Variants in MYH10 observed in about 807,000 individuals in gnomAD.
MYH10 encodes myosin-10.
A neutral mutation model predicts 257.8 loss-of-function variants in MYH10; 55 were observed. The observed-to-expected ratio is 0.21, with a 90% CI of 0.17 to 0.27. The LOEUF (loss-of-function observed/expected upper bound fraction) is 0.27, where lower values mean the gene tolerates loss of function less well. MYH10 is among the 10% of genes least tolerant of loss of function. The pLI, the probability that MYH10 is intolerant of heterozygous loss-of-function variation, is 1.00. For missense variants in MYH10, 1,631 were observed against 2,500.6 expected, an observed-to-expected ratio of 0.65 and a Z score of 7.42; for synonymous variants, 854 against 921.7, an observed-to-expected ratio of 0.93 and a Z score of 1.33.
intron 2 of MYH10, among the ~76,000 whole-genome samples, chr17:8,613,850 CTGAAAGTAAGTTA>C (rs758859035): frequency 2.0e-5 from 3 of 151,818 alleles, no homozygotes; most frequent in Non-Finnish European, 2.9e-5. Context: ...CACAGAAAAG[CTGAAAGTAAGTTA>C]AGAAAGCAAT....
intron 14 of MYH10, among the ~76,000 whole-genome samples, chr17:8,540,988 G>A (rs1281674858): frequency 2.6e-5 from 4 of 152,202 alleles, no homozygotes; most frequent in African/African-American, 9.6e-5. Flanking sequence ...CTCTAAACGT[G>A]ACTTGAAAGG....
chr17:8,601,722 T>TTTCA (rs960601540), intron 3 of MYH10, among the ~76,000 whole-genome samples: 6 of 152,226 alleles, frequency 3.9e-5, no homozygotes, highest in Non-Finnish European at 8.8e-5. Context: ...AGAACTCTGC[T>TTTCA]TTCATTCATT....
chr17:8,514,302 T>C (rs1226406305), intron 21 of MYH10, among the ~76,000 whole-genome samples: 1 of 152,220 alleles, frequency 6.6e-6, no homozygotes, highest in Non-Finnish European at 1.5e-5. Flanking sequence ...GTTTTCCTTT[T>C]GATATGTCAC....
chr17:8,566,150 CCAA>C (rs1262148603), intron 7 of MYH10, among the ~76,000 whole-genome samples: 1 of 152,098 alleles, frequency 6.6e-6, no homozygotes, highest in Non-Finnish European at 1.5e-5. Context: ...CCAGACACCG[CCAA>C]CGTCCCTTGG....
At chr17:8,622,283 CTCTACATTATCCCTT>C (rs1178484635) in intron 2 of MYH10, among the ~76,000 whole-genome samples, 1 of 152,088 alleles carries the variant, frequency 6.6e-6, no homozygotes, top group Non-Finnish European at 1.5e-5. Context: ...CATTATCCCT[CTCTACATTATCCCTT>C]ATGATTTTCA....
intron 3 of MYH10, among the ~76,000 whole-genome samples, chr17:8,600,371 C>T (rs2084545032): frequency 6.6e-6 from 1 of 152,078 alleles, no homozygotes; most frequent in Admixed American, 6.5e-5. Context: ...TCAAAGAACA[C>T]ATTTAGGAGA....
Position 8,475,817 on chromosome 17 carries a change from G to T in MYH10, c.6011C>A (p.Pro2004His). The T allele has an allele frequency of 7.4e-6, 12 of 1,614,106 alleles. No individual in the cohort carries two copies. The highest frequency in any genetic ancestry group is 9.3e-6 in the Non-Finnish European group (11 of 1,179,986). Residue 2004 changes from proline to histidine, a missense_variant, in exon 43 of 43, where the codon CCC (proline) becomes CAC (histidine). Coordinates refer to ENST00000360416, the MANE Select transcript of MYH10 (RefSeq NM_001256012.3). ...CTTCCTGCAACTTTACTCTGACTGGGGTGGCTGCGTCTCGTTGACATCACT... is the reference window on the plus strand; with the variant it reads ...CTTCCTGCAACTTTACTCTGACTGGTGTGGCTGCGTCTCGTTGACATCACT... Reference protein sequence around the residue: ...KTSDVNETQPPQSE With the variant: ...KTSDVNETQPHQSE
At position 8,553,956 on chromosome 17, in the gene MYH10, T is replaced by A. The variant is rs1237960294; in HGVS notation, c.819A>T (p.Thr273=). The change falls in exon 8 of 43, where the codon ACA becomes ACT. Residue 273 remains threonine, a splice_region_variant and synonymous_variant. Transcript: ENST00000360416. ...TTATACATTTATGAAAAAGGATACATGTTTCAATGTTGGCCCCAACGATAT... is the reference window on the plus strand; with the variant it reads ...TTATACATTTATGAAAAAGGATACAAGTTTCAATGTTGGCCCCAACGATAT... The part of the protein sequence containing the change: ...TGYIVGANIE[T]YLLEKSRAVR... 3 of 1,611,398 alleles carry A rather than the reference T, an allele frequency of 1.9e-6. No individual in the cohort carries two copies. The South Asian group carries it at 3.3e-5, about 18-fold the overall frequency.
In MYH10 at chr17:8,476,912, A is replaced by G. The variant is rs778253501; in HGVS notation, c.5843T>C (p.Leu1948Pro). The G allele has an allele frequency of 1.9e-6, 3 of 1,612,574 alleles. No homozygotes were observed. Among genetic ancestry groups the G allele is most frequent in the Non-Finnish European group, 2.5e-6 (3 of 1,179,982 alleles). The change falls in exon 42 of 43, where the codon CTG becomes CCG. Residue 1948 changes from leucine to proline, a missense_variant. Around this residue, in one of 11 missense-constraint regions of MYH10, gnomAD observed 343 missense variants for 389.5 expected, o/e 0.88. Transcript: ENST00000360416. ...CTTCAGGGTGCTGACCTCGCGGCTC[A>G]GGCCCTCGTTGGCCTCGGTGGCATC... ...LDDATEANEG[L>P]SREVSTLKNR... is the part of the protein sequence containing the mutation.
At chr17:8,546,514 A>G (rs776584017) in intron 12 of MYH10, 30 bp downstream of exon 12, 2 of 1,560,060 alleles carry the variant, frequency 1.3e-6, no homozygotes, top group South Asian at 2.2e-5. Context: ...ATTCAAACAA[A>G]TCAGTAATAA....
At chr17:8,578,243 C>CTTTCTTTCT in intron 4 of MYH10, among the ~76,000 whole-genome samples, 1 of 129,208 alleles carries the variant, frequency 7.7e-6, no homozygotes, top group South Asian at 2.4e-4. Context: ...TTCTTTCTTT[C>CTTTCTTTCT]TTTTTTTTTT....
intron 1 of MYH10, 41 bp from the exon 2 acceptor site, chr17:8,623,318 A>C: frequency 6.7e-7 from 1 of 1,490,948 alleles, no homozygotes; most frequent in South Asian, 1.4e-5. Flanking sequence ...TGTTTAAGAA[A>C]CAAAAGAATG....
At chr17:8,613,483 C>G (rs1227395839) in intron 2 of MYH10, among the ~76,000 whole-genome samples, 1 of 152,108 alleles carries the variant, frequency 6.6e-6, no homozygotes, top group African/African-American at 2.4e-5. Context: ...CAGGCCCTAC[C>G]TATCATGATC....
chr17:8,531,561 T>TC (rs1444137552), intron 16 of MYH10, among the ~76,000 whole-genome samples: 6 of 151,674 alleles, frequency 4.0e-5, no homozygotes, highest in African/African-American at 7.2e-5. Context: ...TTTTTCTTTT[T>TC]TTTTTTTTCA....
chr17:8,587,996 C>T (rs2083973362), intron 4 of MYH10, among the ~76,000 whole-genome samples: 1 of 152,092 alleles, frequency 6.6e-6, no homozygotes, highest in Non-Finnish European at 1.5e-5. Context: ...ATCTCATCCA[C>T]TCAATCTGAA....
At chr17:8,576,432 T>C (rs541962781) in intron 6 of MYH10, among the ~76,000 whole-genome samples, 1 of 152,186 alleles carries the variant, frequency 6.6e-6, no homozygotes, top group Non-Finnish European at 1.5e-5. Context: ...CAAATAAATA[T>C]TAAAATTTAT....
intron 3 of MYH10, among the ~76,000 whole-genome samples, chr17:8,598,708 A>G (rs1597936416): frequency 1.7e-5 from 2 of 114,290 alleles, no homozygotes; most frequent in Admixed American, 1.9e-4. Context: ...AGCATTTTGT[A>G]CCTTTTTTTT....
chr17:8,509,964 ACAGT>A lies in MYH10; in HGVS notation c.2953-19_2953-16del. ...TCTTCCAGGTCCTTGTGAAGAACAC[ACAGT>A]CAGTCTCGCCACTTTCTCGAGATTT... On this transcript the variant is annotated splice_polypyrimidine_tract_variant and intron_variant, in intron 24 of 42. Coordinates refer to ENST00000360416, the MANE Select transcript of MYH10 (RefSeq NM_001256012.3). 1 of 1,597,880 alleles carries A rather than the reference ACAGT, an allele frequency of 6.3e-7. No homozygotes were observed. Among genetic ancestry groups the A allele is most frequent in the Non-Finnish European group, 8.5e-7 (1 of 1,173,570 alleles).
chr17:8,483,391 G>A (rs1278513882), intron 37 of MYH10, among the ~76,000 whole-genome samples: 1 of 152,136 alleles, frequency 6.6e-6, no homozygotes, highest in Admixed American at 6.5e-5. Context: ...TCTCAGGGTC[G>A]GCTCCGTGTT....
Sources: allele counts gnomAD v4.1 joint callset (sites outside exome capture counted in the v4.1 genomes callset), GRCh38; gene constraint gnomAD v4.1.1; regional missense constraint gnomAD v4.1.1; transcripts MANE v1.5; gene names NCBI Gene and HGNC (gene_info 2026-07-23, HGNC 2026-07-21).